The following SGCZ variants were observed in gnomAD, a reference collection of about 807,000 sequenced individuals.
The protein encoded by SGCZ is sarcoglycan zeta.
In SGCZ, 40 loss-of-function variants were observed where a neutral mutation model predicts 41.3. The observed-to-expected ratio is 0.97, with a 90% confidence interval of 0.75 to 1.26. The LOEUF is 1.26. SGCZ is among the 50% of genes most tolerant of loss of function. SGCZ has a pLI of 0.00. For synonymous variants in SGCZ, 206 were observed against 137.5 expected, an observed-to-expected ratio of 1.50 and a Z score of -3.49; for missense variants, 552 against 369.8, an observed-to-expected ratio of 1.49 and a Z score of -4.04.
chr8:14,096,770 C>T (rs911167096), intron 7 of SGCZ, among the ~76,000 whole-genome samples: 2 of 152,072 alleles, frequency 1.3e-5, no homozygotes, highest in Non-Finnish European at 2.9e-5. Context: ...TAATTATTGC[C>T]TCAATTTCAG....
At chr8:14,304,518 C>G (rs1231971933) in intron 3 of SGCZ, among the ~76,000 whole-genome samples, 1 of 152,026 alleles carries the variant, frequency 6.6e-6, no homozygotes, top group African/African-American at 2.4e-5. Context: ...CACTTGAGAC[C>G]AGCGGTCAAG....
At chr8:14,851,679 A>G (rs549465948) in intron 1 of SGCZ, among the ~76,000 whole-genome samples, 19 of 152,300 alleles carry the variant, frequency 1.2e-4, no homozygotes, top group African/African-American at 4.1e-4. Flanking sequence ...TTTGTATCTT[A>G]GAGGTAATCC....
rs770839584 is a variant in SGCZ at position 14,090,485 on chromosome 8, A to G, written c.897T>C (p.Gly299=). 24 of 1,612,912 alleles carry G rather than the reference A, an allele frequency of 1.5e-5. No individual in the cohort carries two copies. The highest frequency in any genetic ancestry group is 1.9e-5 in the Non-Finnish European group (22 of 1,179,384). ...TGTTGCTACTGGACTGACAAGTGGA[A>G]CCTACTCCTGCTGGAGAAAGGTAAA... ...GKLYLSPAGV[G]STCQSSSNIC... Residue 299 remains glycine (G), a synonymous_variant, in exon 8 of 8, where the codon GGT becomes GGC. Coordinates refer to ENST00000382080, the MANE Select transcript of SGCZ (RefSeq NM_139167.4).
At chr8:14,817,209 T>A (rs80351352) in intron 1 of SGCZ, among the ~76,000 whole-genome samples, 1 of 152,180 alleles carries the variant, frequency 6.6e-6, no homozygotes, top group South Asian at 2.1e-4. Flanking sequence ...GATAACGCCA[T>A]AGAGAGGGGA....
chr8:15,238,181 T>C lies in SGCZ; in HGVS notation c.-558A>G, dbSNP rs535799265. On this transcript the variant is annotated 5_prime_UTR_variant, in exon 1 of 8. It removes an upstream start codon present in the reference 5' UTR. Coordinates refer to ENST00000382080, the MANE Select transcript of SGCZ (RefSeq NM_139167.4). ...ATAACAGAATCCCCGAAGTCCTGCA[T>C]AGACTTAAAAAATGTCTTGTAGCTG... is the stretch of plus-strand genomic sequence containing the variant. The C allele has an allele frequency of 3.3e-5, 5 of 152,630 alleles. No homozygotes were observed. The highest frequency in any genetic ancestry group is 9.6e-5 in the African/African-American group (4 of 41,570). 9.5% of individuals were successfully genotyped at this position (152,630 alleles called of 1,614,324 possible). A position where few individuals can be genotyped will look rare whatever the true frequency, so the allele number is the denominator to read the frequency against.
chr8:14,227,426 A>G (rs1357581233), intron 4 of SGCZ, among the ~76,000 whole-genome samples: 1 of 152,116 alleles, frequency 6.6e-6, no homozygotes, highest in Non-Finnish European at 1.5e-5. Flanking sequence ...ATGTGACCTC[A>G]GAATCAAAAT....
At chr8:14,633,976 T>C (rs1353364875) in intron 1 of SGCZ, among the ~76,000 whole-genome samples, 1 of 151,872 alleles carries the variant, frequency 6.6e-6, no homozygotes, top group East Asian at 1.9e-4. Context: ...CTGCACTTGG[T>C]TGAGATCCAA....
rs190102020 is a variant in SGCZ, at chr8:14,362,329, T to C, written c.235-38125A>G. Among the ~76,000 whole-genome samples, 31 of 152,334 alleles carry C rather than the reference T, an allele frequency of 2.0e-4. No homozygotes were observed. In the East Asian group the frequency reaches 5.4e-3, roughly 27 times the overall value. ...AGGCCTTGCTGAGCTGTAGGGGCTC[T>C]GCCCAGTTCGAGCTTTCCTGCTGCT... On this transcript the variant is annotated intron_variant, in intron 2 of 7. Transcript: ENST00000382080.
At chr8:14,666,534 T>G (rs1807915815) in intron 1 of SGCZ, among the ~76,000 whole-genome samples, 1 of 152,136 alleles carries the variant, frequency 6.6e-6, no homozygotes, top group Admixed American at 6.5e-5. Flanking sequence ...ATATCTCAAT[T>G]ACATCTTATC....
chr8:14,724,077 T>C (rs530422728), intron 1 of SGCZ, among the ~76,000 whole-genome samples: 28 of 152,250 alleles, frequency 1.8e-4, no homozygotes, highest in African/African-American at 5.3e-4. Flanking sequence ...AAAATAACTA[T>C]ATATCAAGTA....
intron 2 of SGCZ, among the ~76,000 whole-genome samples, chr8:14,449,415 G>T (rs571817215): frequency 6.6e-6 from 1 of 152,256 alleles, no homozygotes; most frequent in South Asian, 2.1e-4. Context: ...CCCAATATTT[G>T]ACTGATTTTG....
intron 1 of SGCZ, among the ~76,000 whole-genome samples, chr8:15,206,452 C>CTTTTT (rs3069943): frequency 1.4e-5 from 2 of 144,378 alleles, no homozygotes. Context: ...TCTGGGGAGT[C>CTTTTT]TTTTTTTTTT....
At chr8:14,869,291 A>C (rs1804054942) in intron 1 of SGCZ, among the ~76,000 whole-genome samples, 1 of 152,190 alleles carries the variant, frequency 6.6e-6, no homozygotes, top group African/African-American at 2.4e-5. Flanking sequence ...AACATATGCA[A>C]ATCAATAAAC....
chr8:15,151,205 A>G (rs1422915543), intron 1 of SGCZ, among the ~76,000 whole-genome samples: 1 of 152,154 alleles, frequency 6.6e-6, no homozygotes, highest in Admixed American at 6.5e-5. Flanking sequence ...TTGCACATAG[A>G]CCCTCCTATT....
intron 1 of SGCZ, among the ~76,000 whole-genome samples, chr8:14,747,690 T>TATTATTATTATTATG (rs1436311134): frequency 3.6e-4 from 48 of 133,542 alleles, no homozygotes; most frequent in African/African-American, 9.4e-4. Flanking sequence ...TTATTATTAT[T>TATTATTATTATTATG]ATGTGTGTGT....
intron 1 of SGCZ, among the ~76,000 whole-genome samples, chr8:14,688,514 G>C (rs191593206): frequency 3.3e-5 from 5 of 152,214 alleles, no homozygotes; most frequent in African/African-American, 1.2e-4. Context: ...TAGATATGCA[G>C]CATTATTTCT....
chr8:15,142,362 T>A (rs899510390), intron 1 of SGCZ, among the ~76,000 whole-genome samples: 78 of 152,212 alleles, frequency 5.1e-4, no homozygotes, highest in African/African-American at 1.8e-3. Context: ...TTATATTTAA[T>A]ACCAGATGTG....
chr8:14,390,021 G>C (rs1804713515), intron 2 of SGCZ, among the ~76,000 whole-genome samples: 1 of 151,708 alleles, frequency 6.6e-6, no homozygotes, highest in Non-Finnish European at 1.5e-5. Context: ...CTGCAAGACT[G>C]AAGAAAAAAA....
intron 1 of SGCZ, among the ~76,000 whole-genome samples, chr8:15,215,976 T>C (rs764342454): frequency 1.3e-5 from 2 of 152,140 alleles, no homozygotes; most frequent in Non-Finnish European, 2.9e-5. Context: ...GTTGGTTGCC[T>C]GACACTTTCC....
Sources: gnomAD v4.1 joint callset for allele counts (sites outside exome capture counted in the v4.1 genomes callset) on GRCh38, gnomAD v4.1.1 for gene constraint, MANE v1.5 for transcripts, NCBI Gene and HGNC (gene_info 2026-07-23, HGNC 2026-07-21) for gene names.